The following ATG7 variants were observed in gnomAD, a reference collection of about 807,000 sequenced individuals.
ATG7 encodes ubiquitin-like modifier-activating enzyme ATG7.
A neutral mutation model predicts 82.4 loss-of-function variants in ATG7; 70 were observed. The ratio of observed to expected loss-of-function variants is 0.85; its 90% confidence interval spans 0.70 to 1.04. The LOEUF (loss-of-function observed/expected upper bound fraction) is 1.04. Among genes scored for constraint, ATG7 ranks in the 50% least tolerant of loss-of-function variants. The pLI is 0.00. For missense variants in ATG7, 792 were observed against 864.3 expected (o/e 0.92, Z 1.05); for synonymous variants, 287 against 313.0 (o/e 0.92, Z 0.88).
intron 3 of ATG7, among the ~76,000 whole-genome samples, chr3:11,292,344 C>T (rs1945124110): frequency 6.6e-6 from 1 of 151,522 alleles, no homozygotes; most frequent in East Asian, 1.9e-4. Flanking sequence ...ACTGCAACCT[C>T]CGCCTCCTGG....
chr3:11,308,313 A>T (rs1948091310), intron 6 of ATG7: 1 of 152,292 alleles, frequency 6.6e-6, no homozygotes, highest in Non-Finnish European at 1.5e-5. Context: ...GCTGACCAGC[A>T]CCAGCATTTG....
chr3:11,558,930 C>T (rs1445821943), downstream of ATG7: 1 of 1,388,734 alleles, frequency 7.2e-7, no homozygotes, highest in Non-Finnish European at 9.8e-7. Flanking sequence ...GGACTGGCTG[C>T]CACGGTCAGC....
chr3:11,379,797 G>C (rs1559503482), intron 18 of ATG7, among the ~76,000 whole-genome samples, 175 bp from the exon 19 acceptor site: 1 of 152,142 alleles, frequency 6.6e-6, no homozygotes, highest in East Asian at 1.9e-4. Context: ...TAGTTCTTCT[G>C]CAAACTGATT....
chr3:11,335,897 C>T (rs1952384207), intron 11 of ATG7, among the ~76,000 whole-genome samples: 1 of 152,066 alleles, frequency 6.6e-6, no homozygotes, highest in South Asian at 2.1e-4. Flanking sequence ...CGGGGTTTCA[C>T]TGTGTTGGCC....
chr3:11,279,600 C>G (rs902936912), intron 1 of ATG7, among the ~76,000 whole-genome samples: 3 of 152,158 alleles, frequency 2.0e-5, no homozygotes, highest in African/African-American at 7.2e-5. Flanking sequence ...AGGAGAATCG[C>G]TTGAACCCGG....
At chr3:11,470,829 C>T (rs752567850) in intron 20 of ATG7, among the ~76,000 whole-genome samples, 8 of 152,138 alleles carry the variant, frequency 5.3e-5, no homozygotes, top group Non-Finnish European at 8.8e-5. Context: ...GGGAGGAGCT[C>T]GGACTCCAAG....
chr3:11,451,785 C>CA (rs376573903), intron 20 of ATG7, among the ~76,000 whole-genome samples: 92,457 of 129,320 alleles, frequency 0.71, 32,960 homozygotes, highest in East Asian at 0.95. Context: ...TTTATAGTCT[C>CA]AAAAAAAAAA....
chr3:11,294,978 G>T (rs1293967978), intron 3 of ATG7, among the ~76,000 whole-genome samples: 2 of 152,166 alleles, frequency 1.3e-5, no homozygotes, highest in African/African-American at 4.8e-5. Context: ...CGGGCATGGT[G>T]GTGCACACCT....
intron 3 of ATG7, among the ~76,000 whole-genome samples, chr3:11,284,376 A>G (rs1943585337): frequency 6.6e-6 from 1 of 152,190 alleles, no homozygotes; most frequent in Non-Finnish European, 1.5e-5. Context: ...TAGTCACAAA[A>G]TGCCAGAAAA....
intron 19 of ATG7, among the ~76,000 whole-genome samples, chr3:11,390,038 G>A (rs757529543): frequency 1.3e-5 from 2 of 152,332 alleles, no homozygotes; most frequent in African/African-American, 2.4e-5. Flanking sequence ...AGAGGGTAAC[G>A]AAAGTGGGGA....
intron 9 of ATG7, among the ~76,000 whole-genome samples, chr3:11,328,356 T>A (rs550948098): frequency 3.9e-5 from 6 of 152,220 alleles, no homozygotes; most frequent in Non-Finnish European, 7.3e-5. Flanking sequence ...GCTCTGTTTT[T>A]AAAAGTGCCC....
At chr3:11,299,656 A>C (rs1025275935) in intron 5 of ATG7, among the ~76,000 whole-genome samples, 1 of 152,138 alleles carries the variant, frequency 6.6e-6, no homozygotes, top group Non-Finnish European at 1.5e-5. Context: ...GGTGCCATCT[A>C]GATTGATTGA....
intron 5 of ATG7, among the ~76,000 whole-genome samples, chr3:11,306,285 A>G (rs1947723459): frequency 6.6e-6 from 1 of 152,252 alleles, no homozygotes; most frequent in Non-Finnish European, 1.5e-5. Context: ...TGGGGCAGTC[A>G]GGAGAACACA....
At chr3:11,566,154 A>G in the ATG7 span, among the ~76,000 whole-genome samples, 1 of 152,152 alleles carries the variant, frequency 6.6e-6, no homozygotes, top group African/African-American at 2.4e-5. Context: ...TTACACACAC[A>G]ATGAATGTTA....
intron 20 of ATG7, among the ~76,000 whole-genome samples, chr3:11,475,166 C>T (rs2088003321): frequency 6.6e-6 from 1 of 151,846 alleles, no homozygotes; most frequent in South Asian, 2.1e-4. Flanking sequence ...TAGACCAGGC[C>T]AGGGAATTTG....
At chr3:11,304,915 G>A (rs576087739) in intron 5 of ATG7, among the ~76,000 whole-genome samples, 1 of 152,106 alleles carries the variant, frequency 6.6e-6, no homozygotes, top group Non-Finnish European at 1.5e-5. Context: ...GTGGTTTTTA[G>A]TAGATTCATA....
intron 20 of ATG7, among the ~76,000 whole-genome samples, chr3:11,463,180 C>T (rs913992280): frequency 6.6e-6 from 1 of 151,856 alleles, no homozygotes; most frequent in East Asian, 1.9e-4. Flanking sequence ...CCACCATGCC[C>T]GGCCCCTCTC....
At chr3:11,478,408 A>G (rs2088513745) in intron 20 of ATG7, among the ~76,000 whole-genome samples, 1 of 152,226 alleles carries the variant, frequency 6.6e-6, no homozygotes, top group Non-Finnish European at 1.5e-5. Context: ...GTGTGGTCTA[A>G]GGACAAGGTC....
chr3:11,523,034 G>C (rs2092482089), intron 20 of ATG7, among the ~76,000 whole-genome samples: 1 of 152,140 alleles, frequency 6.6e-6, no homozygotes, highest in Non-Finnish European at 1.5e-5. Flanking sequence ...CGATGAAATA[G>C]CCTGTACTTT....
Sources: gnomAD v4.1 joint callset for allele counts (sites outside exome capture counted in the v4.1 genomes callset) on GRCh38, gnomAD v4.1.1 for gene constraint, MANE v1.5 for transcripts, NCBI Gene and HGNC (gene_info 2026-07-23, HGNC 2026-07-21) for gene names.